SNX1: variants seen among roughly 807,000 people sequenced by gnomAD.
SNX1 encodes sorting nexin-1.
In SNX1, 36 loss-of-function variants were observed where a neutral mutation model predicts 71.8. That is an observed-to-expected ratio of 0.50 (90% CI 0.38 to 0.66). SNX1 has a LOEUF of 0.66. Among genes scored for constraint, SNX1 ranks in the 30% least tolerant of loss-of-function variants. SNX1 has a pLI of 0.00. For missense variants in SNX1, 612 were observed against 646.7 expected, an observed-to-expected ratio of 0.95 and a Z score of 0.58; for synonymous variants, 254 against 240.7, an observed-to-expected ratio of 1.06 and a Z score of -0.51.
rs963891438 is a variant in SNX1, at chr15:64,117,977, A to T, written c.272-140A>T. On this transcript the variant is annotated intron_variant, in intron 2 of 14. Coordinates refer to ENST00000559844, the MANE Select transcript of SNX1 (RefSeq NM_003099.5). ...ACCTTCCTCCCCTTTTCTCCTTGTA[A>T]ACATTTTATGACTTTCAGTCTAAGA... 3.9e-6 allele frequency: 3 copies of T among 765,086 alleles called. No individual in the cohort carries two copies. The African/African-American group carries it at 5.4e-5, about 14-fold the overall frequency. The allele number at this position is 765,086 out of a possible 1,614,324, so 47.4% of individuals were successfully genotyped here. A position where few individuals can be genotyped will look rare whatever the true frequency, so the allele number is the denominator to read the frequency against.
intron 1 of SNX1, among the ~76,000 whole-genome samples, chr15:64,096,789 G>A (rs1050447381): frequency 1.3e-5 from 2 of 152,220 alleles, no homozygotes; most frequent in Admixed American, 6.5e-5. Flanking sequence ...CCTTTTTAAA[G>A]GGATGTGTTC....
chr15:64,104,573 C>T (rs1305149955), intron 1 of SNX1, among the ~76,000 whole-genome samples: 8 of 151,838 alleles, frequency 5.3e-5, no homozygotes, highest in African/African-American at 1.9e-4. Context: ...GCGCCCGGCC[C>T]AGGGAGAAGA....
At position 64,112,581 on chromosome 15, in the gene SNX1, T is replaced by C; in HGVS notation, c.168T>C (p.His56=). The change falls in exon 2 of 15, where the codon CAT becomes CAC. Residue 56 remains histidine, a synonymous_variant. Coordinates refer to ENST00000559844, the MANE Select transcript of SNX1 (RefSeq NM_003099.5). ...IFTGAAVVSK[H]QSPKITTSLL... ...TATCTCTTTGTTTTCAGAGTAAACATCAGTCTCCAAAGATAACTACATCCC... is the reference window on the plus strand; with the variant it reads ...TATCTCTTTGTTTTCAGAGTAAACACCAGTCTCCAAAGATAACTACATCCC... 1 of 1,601,386 alleles carries C rather than the reference T, an allele frequency of 6.2e-7. No individual in the cohort carries two copies. The highest frequency in any genetic ancestry group is 1.1e-5 in the South Asian group (1 of 89,712).
In SNX1 at chr15:64,118,195, C is replaced by T; in HGVS notation, c.350C>T (p.Pro117Leu). 6.2e-7 allele frequency: 1 copy of T among 1,613,806 alleles called. No homozygotes were observed. The highest frequency in any genetic ancestry group is 8.5e-7 in the Non-Finnish European group (1 of 1,179,926). Residue 117 changes from proline (P) to leucine (L), a missense_variant, in exon 3 of 15, where the codon CCT (proline) becomes CTT (leucine). This residue lies in a region of SNX1 where 316 missense variants were observed against 284.9 expected (regional missense o/e 1.11). Transcript: ENST00000559844. The stretch of plus-strand genomic sequence containing the variant: ...CTAGCCAAAACACTCATTTCTCTTC[C>T]TCCTCAGGAAGCCACAAATTCTTCG... ...KVLAKTLISL[P>L]PQEATNSSKP...
At chr15:64,121,381 C>T (rs1195840843) in intron 4 of SNX1, among the ~76,000 whole-genome samples, 1 of 152,216 alleles carries the variant, frequency 6.6e-6, no homozygotes, top group Non-Finnish European at 1.5e-5. Flanking sequence ...CTGGCAGTCT[C>T]AGGCCTTCCT....
chr15:64,122,434 G>A (rs906500840), intron 4 of SNX1, among the ~76,000 whole-genome samples: 7 of 152,174 alleles, frequency 4.6e-5, no homozygotes, highest in African/African-American at 1.7e-4. Context: ...GGCTGGGGAA[G>A]TATAGCAGAC....
intron 4 of SNX1, among the ~76,000 whole-genome samples, chr15:64,122,966 A>G (rs1041680686): frequency 2.6e-5 from 4 of 152,190 alleles, no homozygotes; most frequent in African/African-American, 7.2e-5. Flanking sequence ...CTTGGTGAAC[A>G]TGCTAGATCA....
chr15:64,131,950 T>C, intron 11 of SNX1, 58 bp downstream of exon 11: 2 of 1,569,220 alleles, frequency 1.3e-6, no homozygotes, highest in Non-Finnish European at 8.8e-7. Flanking sequence ...TTTCCTTTGC[T>C]GGTCCCCTTC....
intron 1 of SNX1, among the ~76,000 whole-genome samples, chr15:64,105,055 C>T (rs1002751660): frequency 2.6e-5 from 4 of 151,656 alleles, no homozygotes; most frequent in Non-Finnish European, 5.9e-5. Flanking sequence ...GCTAACATGG[C>T]GAACCCCTGT....
intron 1 of SNX1, among the ~76,000 whole-genome samples, chr15:64,107,735 C>T (rs1042217033): frequency 4.8e-5 from 6 of 124,718 alleles, no homozygotes; most frequent in Non-Finnish European, 3.7e-5. Context: ...AGGATTTTAG[C>T]TGCGAAAAGG....
In SNX1 at chr15:64,136,832, G is replaced by A. The variant is rs368873059; in HGVS notation, c.1447-29G>A. ...CCATCGAAAGGGAAAGCAAAAACTG[G>A]ATGGTCAGTGTAGAATCTTGTCTCC... On this transcript the variant is annotated intron_variant, in intron 13 of 14. Transcript: ENST00000559844. 6 of 1,582,192 alleles carry A rather than the reference G, an allele frequency of 3.8e-6. No homozygotes were observed. In the South Asian group the frequency reaches 4.4e-5, roughly 12 times the overall value.
chr15:64,113,835 AAGAAAG>A (rs901299154), intron 2 of SNX1, among the ~76,000 whole-genome samples: 7 of 150,744 alleles, frequency 4.6e-5, no homozygotes, highest in East Asian at 1.9e-4. Context: ...TAAAGAAAGA[AAGAAAG>A]AGAGAGAGAG....
chr15:64,143,091 C>A lies in SNX1; in HGVS notation c.*5473C>A, dbSNP rs2081430981. 1 of 175,236 alleles carries A rather than the reference C, an allele frequency of 5.7e-6. No individual in the cohort carries two copies. The highest frequency in any genetic ancestry group is 2.4e-5 in the African/African-American group (1 of 41,810). The allele number at this position is 175,236 out of a possible 1,614,324, so 10.9% of individuals were successfully genotyped here. On this transcript the variant is annotated 3_prime_UTR_variant, in exon 15 of 15. Coordinates refer to ENST00000559844, the MANE Select transcript of SNX1 (RefSeq NM_003099.5). ...CCCCAAGGTGGTGGGATTTTCCCCA[C>A]CAGTACTTGGCAGCCTAGGGGGAAG...
chr15:64,130,886 T>C (rs2081299473), intron 10 of SNX1, among the ~76,000 whole-genome samples: 1 of 152,242 alleles, frequency 6.6e-6, no homozygotes, highest in Non-Finnish European at 1.5e-5. Flanking sequence ...CTGACCCTGG[T>C]TCCTATTGCC....
At chr15:64,135,136 T>G (rs1354861198) in intron 12 of SNX1, among the ~76,000 whole-genome samples, 4 of 151,632 alleles carry the variant, frequency 2.6e-5, no homozygotes, top group Non-Finnish European at 4.4e-5. Context: ...TGTTTTTGTT[T>G]TAGATGGAGT....
chr15:64,122,874 C>A (rs553606330), intron 4 of SNX1, among the ~76,000 whole-genome samples: 3 of 152,018 alleles, frequency 2.0e-5, no homozygotes, highest in Non-Finnish European at 2.9e-5. Flanking sequence ...TCAAAGACTT[C>A]TTCATAAAAA....
chr15:64,137,520 T>A, intron 14 of SNX1, 48 bp from the exon 15 acceptor site: 1 of 1,611,262 alleles, frequency 6.2e-7, no homozygotes, highest in Non-Finnish European at 8.5e-7. Context: ...TGGCTTAGGC[T>A]CTGCCACTAG....
chr15:64,096,721 A>T (rs2080905847), intron 1 of SNX1, among the ~76,000 whole-genome samples: 1 of 152,210 alleles, frequency 6.6e-6, no homozygotes, highest in African/African-American at 2.4e-5. Flanking sequence ...ATCAGGCCAG[A>T]GGCTGGTGGA....
Position 64,135,392 on chromosome 15 carries a change from G to A in SNX1, c.1365+585G>A, listed in dbSNP as rs181298593. Among the ~76,000 whole-genome samples, 395 of 149,992 alleles carry A rather than the reference G, an allele frequency of 2.6e-3. 2 individuals are homozygous for A. The highest frequency in any genetic ancestry group is 9.3e-3 in the African/African-American group (380 of 40,934). On this transcript the variant is annotated intron_variant, in intron 12 of 14. Coordinates refer to ENST00000559844, the MANE Select transcript of SNX1 (RefSeq NM_003099.5). ...TGGGATTACAGGCGTGAGCCACCGC[G>A]CCCGGCCGAGGTCAGGAGTTTTAGA...
Sources: allele counts gnomAD v4.1 joint callset (sites outside exome capture counted in the v4.1 genomes callset), GRCh38; gene constraint gnomAD v4.1.1; regional missense constraint gnomAD v4.1.1; transcripts MANE v1.5; gene names NCBI Gene and HGNC (gene_info 2026-07-23, HGNC 2026-07-21).